Variants in KRT12 observed in about 807,000 individuals in gnomAD.
The protein encoded by KRT12 is keratin, type I cytoskeletal 12.
In KRT12, 43 loss-of-function variants were observed where a neutral mutation model predicts 50.2. The observed-to-expected ratio is 0.86, with a 90% confidence interval of 0.67 to 1.11. The LOEUF is 1.11. Among genes scored for constraint, KRT12 ranks in the 50% least tolerant of loss-of-function variants. The pLI is 0.00. For missense variants in KRT12, 588 were observed against 625.6 expected, an observed-to-expected ratio of 0.94 and a Z score of 0.64; for synonymous variants, 257 against 253.6, an observed-to-expected ratio of 1.01 and a Z score of -0.13.
Position 40,863,862 on chromosome 17 carries a change from C to A in KRT12, c.810G>T (p.Glu270Asp). The A allele has an allele frequency of 6.3e-7, 1 of 1,598,788 alleles. No individual in the cohort carries two copies. Among genetic ancestry groups the A allele is most frequent in the Middle Eastern group, 2.2e-4 (1 of 4,606 alleles). The part of the protein sequence containing the change: ...LAYMKKNHED[E>D]LQSFRVGGPG... ...GGCCGCCCACCCGGAAGCTTTGGAG[C>A]TCCTGGGGACAGCATGTGAGAGAGA... Residue 270 changes from glutamate to aspartate, a missense_variant and splice_region_variant, in exon 4 of 8, where the codon GAG becomes GAT. By Grantham distance (45) the Glu-to-Asp change is conservative (BLOSUM62 2). Transcript: ENST00000251643. This position sits in a 1 kb window ranked among gnomAD's most constrained non-coding sequence, Gnocchi z 4.2.
In KRT12 at chr17:40,863,875, C is replaced by T. The variant is rs1179047448; in HGVS notation, c.808-11G>A. 4 of 1,579,368 alleles carry T rather than the reference C, an allele frequency of 2.5e-6. No homozygotes were observed. The highest frequency in any genetic ancestry group is 2.6e-6 in the Non-Finnish European group (3 of 1,165,662). On this transcript the variant is annotated splice_polypyrimidine_tract_variant and intron_variant, in intron 3 of 7. Transcript: ENST00000251643. The surrounding 1 kb of genome is among the most constrained non-coding windows in gnomAD (Gnocchi z 4.2). ...GAAGCTTTGGAGCTCCTGGGGACAG[C>T]ATGTGAGAGAGAGGGGCACAGGGGT... is the stretch of plus-strand genomic sequence containing the variant.
chr17:40,863,608 G>T lies in KRT12; in HGVS notation c.972C>A (p.Ser324Arg). Reference protein sequence around the residue: ...KDAEAWFIEKSGELRKEISTN... With the variant: ...KDAEAWFIEKRGELRKEISTN... Reference sequence around the variant, plus strand: ...TGCTAATCTCCTTACGGAGCTCCCCGCTCTGCAACAGCAAAGACAGCCAGG... The same window carrying T: ...TGCTAATCTCCTTACGGAGCTCCCCTCTCTGCAACAGCAAAGACAGCCAGG... The change falls in exon 5 of 8, where the codon AGC becomes AGA. Residue 324 changes from serine (S) to arginine (R), a missense_variant and splice_region_variant. Coordinates refer to ENST00000251643, the MANE Select transcript of KRT12 (RefSeq NM_000223.4). This position sits in a 1 kb window ranked among gnomAD's most constrained non-coding sequence, Gnocchi z 4.2. 1.9e-6 allele frequency: 3 copies of T among 1,614,192 alleles called. No individual in the cohort carries two copies. Among genetic ancestry groups the T allele is most frequent in the Non-Finnish European group, 2.5e-6 (3 of 1,180,022 alleles).
intron 1 of KRT12, 106 bp downstream of exon 1, chr17:40,866,514 A>G (rs1907028138): frequency 9.9e-7 from 1 of 1,011,532 alleles, no homozygotes; most frequent in Non-Finnish European, 1.5e-6. Context: ...CTGCAAGTAC[A>G]GCTAAATTGG....
chr17:40,866,586 A>T (rs776122468), intron 1 of KRT12, 34 bp downstream of exon 1: 2 of 1,583,980 alleles, frequency 1.3e-6, no homozygotes, highest in Non-Finnish European at 8.7e-7. Flanking sequence ...AAGGAAAAAA[A>T]AAATTCCCAA....
intron 6 of KRT12, 172 bp downstream of exon 6, chr17:40,862,951 G>A: frequency 1.5e-6 from 1 of 668,946 alleles, no homozygotes; most frequent in Non-Finnish European, 2.6e-6. Context: ...GTAAGATAAT[G>A]GGTGAAAACA....
intron 6 of KRT12, 138 bp downstream of exon 6, chr17:40,862,985 G>T: frequency 1.3e-6 from 1 of 776,208 alleles, no homozygotes. Flanking sequence ...AGAGCATTTA[G>T]TAAATCCCAG....
intron 1 of KRT12, 57 bp downstream of exon 1, chr17:40,866,563 T>C (rs1371851627): frequency 7.7e-6 from 11 of 1,420,122 alleles, no homozygotes; most frequent in Admixed American, 1.7e-5. Flanking sequence ...CTGTAAAACA[T>C]TGTAATGGTA....
At position 40,866,915 on chromosome 17, in the gene KRT12, C is replaced by T; in HGVS notation, c.272G>A (p.Gly91Glu). ...LGAGYGRALG[G>E]GSFGGLGMGF... is the part of the protein sequence containing the mutation. The stretch of plus-strand genomic sequence containing the variant: ...CATCCCCAGCCCTCCAAAGCTACCT[C>T]CACCCAGGGCTCTCCCATAACCAGC... Residue 91 changes from glycine (G) to glutamate (E), a missense_variant, in exon 1 of 8, where the codon GGA (glycine) becomes GAA (glutamate). Transcript: ENST00000251643. The T allele has an allele frequency of 6.2e-7, 1 of 1,613,558 alleles. No individual in the cohort carries two copies. The highest frequency in any genetic ancestry group is 8.5e-7 in the Non-Finnish European group (1 of 1,179,820).
chr17:40,866,059 A>G, intron 2 of KRT12, 96 bp downstream of exon 2: 1 of 900,844 alleles, frequency 1.1e-6, no homozygotes, highest in South Asian at 1.3e-5. Flanking sequence ...TATATGGAGT[A>G]TGTGAACTTC....
Position 40,866,879 on chromosome 17 carries a change from C to T in KRT12, c.308G>A (p.Gly103Asp), listed in dbSNP as rs773895186. The T allele has an allele frequency of 6.2e-7, 1 of 1,614,082 alleles. No homozygotes were observed. Among genetic ancestry groups the T allele is most frequent in the Non-Finnish European group, 8.5e-7 (1 of 1,179,998 alleles). Residue 103 changes from glycine (G) to aspartate (D), a missense_variant, in exon 1 of 8, where the codon GGC becomes GAC. Transcript: ENST00000251643. ...SFGGLGMGFG[G>D]SPGGGSLGIL... ...ACCTAGAGAGCCACCTCCTGGGCTG[C>T]CCCCAAATCCCATCCCCAGCCCTCC...
rs1341628230 is a variant in KRT12 at position 40,863,592 on chromosome 17, C to T, written c.988G>A (p.Glu330Lys). 6.2e-7 allele frequency: 1 copy of T among 1,614,228 alleles called. No homozygotes were observed. Among genetic ancestry groups the T allele is most frequent in the Non-Finnish European group, 8.5e-7 (1 of 1,180,038 alleles). Residue 330 changes from glutamate (E) to lysine (K), a missense_variant, in exon 5 of 8, where the codon GAG (glutamate) becomes AAG (lysine). Physicochemically the swap from Glu to Lys is moderately conservative, Grantham distance 56. Coordinates refer to ENST00000251643, the MANE Select transcript of KRT12 (RefSeq NM_000223.4). This position sits in a 1 kb window ranked among gnomAD's most constrained non-coding sequence, Gnocchi z 4.2. The stretch of plus-strand genomic sequence containing the variant: ...AGCTGCTCGGTGTTGGTGCTAATCT[C>T]CTTACGGAGCTCCCCGCTCTGCAAC... ...FIEKSGELRK[E>K]ISTNTEQLQS...
In KRT12 at chr17:40,861,718, C is replaced by G. The variant is rs1906809762; in HGVS notation, c.1428G>C (p.Glu476Asp). 5.6e-6 allele frequency: 9 copies of G among 1,613,898 alleles called. 1 individual carries two copies. The Admixed American group carries it at 1.5e-4, about 27-fold the overall frequency. The change falls in exon 8 of 8, where the codon GAG becomes GAC. Residue 476 changes from glutamate to aspartate, a missense_variant. Glu to Asp is a conservative substitution (Grantham distance 45). Transcript: ENST00000251643. ...KTRKIKTVVQ[E>D]MVNGEVVSSQ... ...ATGAGACCACCTCACCATTCACCAT[C>G]TCCTGCACAACTGTCTTGATTTTTC...
At chr17:40,865,701 G>A (rs553310174) in intron 2 of KRT12, among the ~76,000 whole-genome samples, 5 of 151,998 alleles carry the variant, frequency 3.3e-5, no homozygotes, top group Non-Finnish European at 7.4e-5. Context: ...GGTGGCAGCC[G>A]CCTGTAATCC....
At chr17:40,865,055 C>G in intron 2 of KRT12, 93 bp from the exon 3 acceptor site, 1 of 1,336,878 alleles carries the variant, frequency 7.5e-7, no homozygotes, top group South Asian at 1.2e-5. Context: ...TAAATCTGTG[C>G]ACCTACTTAA....
At position 40,866,995 on chromosome 17, in the gene KRT12, A is replaced by G; in HGVS notation, c.192T>C (p.Gly64=). Residue 64 remains glycine, a synonymous_variant, in exon 1 of 8, where the codon GGT becomes GGC. Transcript: ENST00000251643. ...GGGFSAASMF[G]SSSGFGGGSG... is the part of the protein sequence containing the mutation. The stretch of plus-strand genomic sequence containing the variant: ...AGCCACCCCCAAAGCCGGAACTAGA[A>G]CCAAACATGGAAGCAGCAGAAAAGC... The G allele has an allele frequency of 6.3e-7, 1 of 1,597,040 alleles. No homozygotes were observed. Among genetic ancestry groups the G allele is most frequent in the Non-Finnish European group, 8.5e-7 (1 of 1,172,272 alleles).
chr17:40,863,590 C>T lies in KRT12; in HGVS notation c.990G>A (p.Glu330=), dbSNP rs756132608. The T allele has an allele frequency of 3.7e-6, 6 of 1,614,132 alleles. No individual in the cohort carries two copies. In the African/African-American group the frequency reaches 8.0e-5, roughly 22 times the overall value. The change falls in exon 5 of 8, where the codon GAG becomes GAA. Residue 330 remains glutamate (E), a synonymous_variant. Coordinates refer to ENST00000251643, the MANE Select transcript of KRT12 (RefSeq NM_000223.4). The surrounding 1 kb of genome is among the most constrained non-coding windows in gnomAD (Gnocchi z 4.2). ...FIEKSGELRK[E]ISTNTEQLQS... is the part of the protein sequence containing the mutation. The stretch of plus-strand genomic sequence containing the variant: ...GAAGCTGCTCGGTGTTGGTGCTAAT[C>T]TCCTTACGGAGCTCCCCGCTCTGCA...
In KRT12 at chr17:40,863,472, C is replaced by G. The variant is rs1280501346; in HGVS notation, c.1095+13G>C. 1.9e-6 allele frequency: 3 copies of G among 1,614,126 alleles called. No homozygotes were observed. The highest frequency in any genetic ancestry group is 2.5e-6 in the Non-Finnish European group (3 of 1,180,046). ...GTCCAAAGGATGCTACGTCTGTTTG[C>G]GCACGAGCCTACCATGGCGAGCTGG... On this transcript the variant is annotated intron_variant, in intron 5 of 7. Coordinates refer to ENST00000251643, the MANE Select transcript of KRT12 (RefSeq NM_000223.4). This position sits in a 1 kb window ranked among gnomAD's most constrained non-coding sequence, Gnocchi z 4.2.
intron 7 of KRT12, 92 bp downstream of exon 7, chr17:40,862,473 A>G: frequency 1.2e-6 from 1 of 837,724 alleles, no homozygotes; most frequent in Non-Finnish European, 2.1e-6. Flanking sequence ...ATTAAAATTA[A>G]TAATAATGCA....
rs573155738 is a variant in KRT12, at chr17:40,863,895, A to G, written c.808-31T>C. 352 of 1,540,532 alleles carry G rather than the reference A, an allele frequency of 2.3e-4. 5 individuals are homozygous for G. In the South Asian group the frequency reaches 3.3e-3, roughly 14 times the overall value. On this transcript the variant is annotated intron_variant, in intron 3 of 7. Coordinates refer to ENST00000251643, the MANE Select transcript of KRT12 (RefSeq NM_000223.4). The surrounding 1 kb of genome is among the most constrained non-coding windows in gnomAD (Gnocchi z 4.2). ...GACAGCATGTGAGAGAGAGGGGCAC[A>G]GGGGTCCATTGTGACTTTCGTGGGC...
Sources: gnomAD v4.1 joint callset for allele counts (sites outside exome capture counted in the v4.1 genomes callset) on GRCh38, gnomAD v4.1.1 for gene constraint, Gnocchi (gnomAD v3.1) non-coding constraint, MANE v1.5 for transcripts, NCBI Gene and HGNC (gene_info 2026-07-23, HGNC 2026-07-21) for gene names.